CD226: variants seen among roughly 807,000 people sequenced by gnomAD.
CD226 encodes the protein CD226 antigen.
A neutral mutation model predicts 34.9 loss-of-function variants in CD226; 24 were observed. The observed-to-expected ratio is 0.69, with a 90% CI of 0.50 to 0.97. The LOEUF is 0.97. Among genes scored for constraint, CD226 ranks in the 50% least tolerant of loss-of-function variants. CD226 has a pLI of 0.00. For missense variants in CD226, 397 were observed against 412.7 expected (o/e 0.96, Z 0.33); for synonymous variants, 148 against 147.4 (o/e 1.00, Z -0.03).
chr18:69,958,788 A>AACACACAC (rs59835947), upstream of CD226, among the ~76,000 whole-genome samples: 3,144 of 143,752 alleles, frequency 0.022, 84 homozygotes, highest in African/African-American at 0.052. Context: ...TTCACAGGCA[A>AACACACAC]ACACACACAC....
At chr18:69,918,713 CA>C (rs2145303943) in intron 2 of CD226, among the ~76,000 whole-genome samples, 1 of 152,208 alleles carries the variant, frequency 6.6e-6, no homozygotes, top group Non-Finnish European at 1.5e-5. Flanking sequence ...TGTGCAGGGA[CA>C]CAGTAGGAAA....
At chr18:69,871,462 A>C (rs913530945) in intron 4 of CD226, among the ~76,000 whole-genome samples, 1 of 152,222 alleles carries the variant, frequency 6.6e-6, no homozygotes, top group Non-Finnish European at 1.5e-5. Flanking sequence ...TGAAACACAA[A>C]CTCTGCCATT....
intron 2 of CD226, among the ~76,000 whole-genome samples, chr18:69,927,383 C>CACAA (rs1408158846): frequency 3.4e-5 from 5 of 146,944 alleles, no homozygotes; most frequent in African/African-American, 1.3e-4. Context: ...CACACACACA[C>CACAA]ACACAAACAC....
At chr18:69,942,917 C>T (rs1411449762) in intron 2 of CD226, among the ~76,000 whole-genome samples, 2 of 152,242 alleles carry the variant, frequency 1.3e-5, no homozygotes, top group South Asian at 2.1e-4. Flanking sequence ...ACCCCGGCCT[C>T]TCTAATTAAA....
chr18:69,895,140 T>C (rs1325977227), intron 3 of CD226, among the ~76,000 whole-genome samples: 1 of 152,150 alleles, frequency 6.6e-6, no homozygotes, highest in Middle Eastern at 3.2e-3. Flanking sequence ...TCAAACCTAT[T>C]TTCCTAGTAA....
At chr18:69,876,385 CTG>C (rs747773541) in intron 3 of CD226, among the ~76,000 whole-genome samples, 5 of 152,304 alleles carry the variant, frequency 3.3e-5, no homozygotes, top group Admixed American at 6.5e-5. Context: ...TTGTGACACA[CTG>C]TTCAATTATA....
intron 3 of CD226, among the ~76,000 whole-genome samples, chr18:69,884,513 C>T (rs1165518327): frequency 6.6e-6 from 1 of 152,202 alleles, no homozygotes; most frequent in African/African-American, 2.4e-5. Flanking sequence ...TTTTAACGGC[C>T]AGATAAGTCT....
chr18:69,895,581 TA>T (rs1985220633), intron 3 of CD226, 119 bp downstream of exon 3: 13 of 747,904 alleles, frequency 1.7e-5, no homozygotes, highest in African/African-American at 3.5e-5. Context: ...TTCAGCCATT[TA>T]AAAAAATGCT....
chr18:69,878,500 C>T (rs542414769), intron 3 of CD226, among the ~76,000 whole-genome samples: 2 of 152,042 alleles, frequency 1.3e-5, no homozygotes, highest in South Asian at 2.1e-4. Flanking sequence ...GCAAGAGTGG[C>T]CATTAATGTC....
chr18:69,879,075 G>A (rs1236240255), intron 3 of CD226, among the ~76,000 whole-genome samples: 2 of 152,140 alleles, frequency 1.3e-5, no homozygotes, highest in African/African-American at 4.8e-5. Flanking sequence ...TATGAATAGG[G>A]TGTGGGTCAC....
chr18:69,871,341 A>G (rs570419987), intron 4 of CD226, among the ~76,000 whole-genome samples: 1 of 152,328 alleles, frequency 6.6e-6, no homozygotes, highest in South Asian at 2.1e-4. Flanking sequence ...GTGATGGGGA[A>G]AAAGGTGAAA....
chr18:69,901,312 T>C (rs1210607591), intron 2 of CD226, among the ~76,000 whole-genome samples: 1 of 152,182 alleles, frequency 6.6e-6, no homozygotes, highest in Admixed American at 6.5e-5. Context: ...ATTGCTGTTT[T>C]GTGAGGGGTG....
At chr18:69,927,643 G>A (rs1053297822) in intron 2 of CD226, among the ~76,000 whole-genome samples, 4 of 151,854 alleles carry the variant, frequency 2.6e-5, no homozygotes, top group African/African-American at 9.7e-5. Context: ...TTGTTGTCTT[G>A]TGACTGGCTT....
At chr18:69,880,856 G>A (rs1465665846) in intron 3 of CD226, among the ~76,000 whole-genome samples, 1 of 152,040 alleles carries the variant, frequency 6.6e-6, no homozygotes, top group Non-Finnish European at 1.5e-5. Context: ...TCACCATGTT[G>A]GCCATGCTGG....
chr18:69,859,851 T>A lies in CD226; in HGVS notation c.*4463A>T, dbSNP rs1401112159. On this transcript the variant is annotated 3_prime_UTR_variant, in exon 6 of 6. Coordinates refer to ENST00000582621, the MANE Select transcript of CD226 (RefSeq NM_001303618.2). ...AATTTAGGAGGCTGAGGCAGGTGGA[T>A]CACCTGAGGTCCAGAGTTCAAGACA... 6.6e-6 allele frequency: 1 copy of A among 152,132 alleles called. No homozygotes were observed. Among genetic ancestry groups the A allele is most frequent in the African/African-American group, 2.4e-5 (1 of 41,414 alleles). 9.4% of individuals were successfully genotyped at this position (152,132 alleles called of 1,614,324 possible).
chr18:69,903,269 T>G (rs2055210358), intron 2 of CD226, among the ~76,000 whole-genome samples: 1 of 152,276 alleles, frequency 6.6e-6, no homozygotes, highest in East Asian at 1.9e-4. Flanking sequence ...TGAACTGAGC[T>G]GTCAGGCAGC....
chr18:69,939,482 C>T (rs1460673933), intron 2 of CD226, among the ~76,000 whole-genome samples: 1 of 152,144 alleles, frequency 6.6e-6, no homozygotes, highest in African/African-American at 2.4e-5. Context: ...TGTGAATAGA[C>T]CTCAGTGTGC....
chr18:69,954,951 G>GT (rs111927782), intron 1 of CD226, among the ~76,000 whole-genome samples: 4,406 of 151,996 alleles, frequency 0.029, 229 homozygotes, highest in African/African-American at 0.1. Flanking sequence ...TTGGCTTGAG[G>GT]TTTTTTTTCT....
intron 2 of CD226, 151 bp from the exon 3 acceptor site, chr18:69,896,196 T>C (rs1985283884): frequency 1.4e-6 from 2 of 1,393,292 alleles, no homozygotes; most frequent in South Asian, 1.6e-5. Flanking sequence ...TTTTTTTTTT[T>C]CCTGAGACGG....
Sources: allele counts gnomAD v4.1 joint callset (sites outside exome capture counted in the v4.1 genomes callset), GRCh38; gene constraint gnomAD v4.1.1; transcripts MANE v1.5; gene names NCBI Gene and HGNC (gene_info 2026-07-23, HGNC 2026-07-21).